NDUFAF5: variants seen among roughly 807,000 people sequenced by gnomAD.
NDUFAF5 encodes the protein arginine-hydroxylase NDUFAF5, mitochondrial.
In NDUFAF5, 34 loss-of-function variants were observed where a neutral mutation model predicts 48.9. That is an observed-to-expected ratio of 0.70 (90% CI 0.53 to 0.93). The LOEUF (loss-of-function observed/expected upper bound fraction) is 0.93, where lower values mean the gene tolerates loss of function less well. NDUFAF5 is among the 40% of genes least tolerant of loss of function. NDUFAF5 has a pLI of 0.00. For synonymous variants in NDUFAF5, 153 were observed against 150.6 expected, an observed-to-expected ratio of 1.02 and a Z score of -0.12; for missense variants, 428 against 427.5, an observed-to-expected ratio of 1.00 and a Z score of -0.01.
chr20:13,787,355 A>C lies in NDUFAF5; in HGVS notation c.263+3A>C. The C allele has an allele frequency of 6.2e-7, 1 of 1,613,846 alleles. No homozygotes were observed. The highest frequency in any genetic ancestry group is 8.5e-7 in the Non-Finnish European group (1 of 1,179,726). ...GACCGTGTATATGACATACCCAGGTAAGTGGTGGTGATCATAATACAATAC... is the reference window on the plus strand; with the variant it reads ...GACCGTGTATATGACATACCCAGGTCAGTGGTGGTGATCATAATACAATAC... On this transcript the variant is annotated splice_donor_region_variant and intron_variant, in intron 2 of 10. Coordinates refer to ENST00000378106, the MANE Select transcript of NDUFAF5 (RefSeq NM_024120.5).
intron 3 of NDUFAF5, among the ~76,000 whole-genome samples, chr20:13,789,657 T>C (rs561492324): frequency 6.6e-6 from 1 of 152,078 alleles, no homozygotes; most frequent in South Asian, 2.1e-4. Context: ...TTGTATTTTT[T>C]AGTAGAGACG....
chr20:13,816,999 G>A, intron 10 of NDUFAF5, 42 bp downstream of exon 10: 1 of 1,555,152 alleles, frequency 6.4e-7, no homozygotes, highest in Non-Finnish European at 8.9e-7. Context: ...GTGGGTTCGT[G>A]TTCAGATTAT....
chr20:13,809,495 T>C (rs1432230621), intron 8 of NDUFAF5, among the ~76,000 whole-genome samples: 1 of 152,140 alleles, frequency 6.6e-6, no homozygotes, highest in African/African-American at 2.4e-5. Context: ...AGAATGAACA[T>C]AGCAAGAACT....
chr20:13,785,388 C>A, intron 1 of NDUFAF5, 98 bp downstream of exon 1: 1 of 1,045,476 alleles, frequency 9.6e-7, no homozygotes, highest in Non-Finnish European at 1.4e-6. Flanking sequence ...CCCCACCTAG[C>A]CGTCTGACCT....
intron 8 of NDUFAF5, 169 bp downstream of exon 8, chr20:13,809,071 C>T: frequency 1.6e-6 from 1 of 623,624 alleles, no homozygotes; most frequent in South Asian, 1.9e-5. Flanking sequence ...CTTCATGGAG[C>T]TTCTGATATA....
rs1027213314 is a variant in NDUFAF5 at position 13,820,221 on chromosome 20, T to A, written c.*3011T>A. On this transcript the variant is annotated 3_prime_UTR_variant, in exon 11 of 11. Coordinates refer to ENST00000378106, the MANE Select transcript of NDUFAF5 (RefSeq NM_024120.5). ...TGCTTTATAGGAAGAATTTGTAGGA[T>A]TTATTGAGATGTAAGCTACCTATAT... 6 of 152,326 alleles carry A rather than the reference T, an allele frequency of 3.9e-5. No individual in the cohort carries two copies. The South Asian group carries it at 1.0e-3, about 26-fold the overall frequency. 9.4% of individuals were successfully genotyped at this position (152,326 alleles called of 1,614,324 possible).
chr20:13,799,456 T>G (rs1983770050), intron 6 of NDUFAF5, among the ~76,000 whole-genome samples: 1 of 152,138 alleles, frequency 6.6e-6, no homozygotes, highest in South Asian at 2.1e-4. Flanking sequence ...CCCAGTACTT[T>G]GGGAGGCTGA....
intron 8 of NDUFAF5, among the ~76,000 whole-genome samples, chr20:13,815,184 G>C (rs572195213): frequency 2.6e-5 from 4 of 152,318 alleles, no homozygotes; most frequent in African/African-American, 9.6e-5. Flanking sequence ...GCGAGAAGTT[G>C]AGCAGAAATG....
intron 6 of NDUFAF5, 79 bp from the exon 7 acceptor site, chr20:13,801,402 GTTAAT>G: frequency 1.2e-6 from 1 of 826,916 alleles, no homozygotes; most frequent in Non-Finnish European, 1.8e-6. Context: ...GTCATAAAAT[GTTAAT>G]TTAGACACTA....
intron 1 of NDUFAF5, among the ~76,000 whole-genome samples, chr20:13,786,819 A>G (rs1981238329): frequency 6.6e-6 from 1 of 152,182 alleles, no homozygotes; most frequent in South Asian, 2.1e-4. Flanking sequence ...GGCTTTTTCT[A>G]ACTTGCGAAT....
intron 8 of NDUFAF5, chr20:13,813,026 T>G (rs1440595149): frequency 6.6e-6 from 1 of 152,440 alleles, no homozygotes; most frequent in East Asian, 1.9e-4. Flanking sequence ...CTTGGCTCAC[T>G]GCAACCTCTG....
At chr20:13,801,768 T>C in intron 7 of NDUFAF5, 85 bp downstream of exon 7, 1 of 1,082,278 alleles carries the variant, frequency 9.2e-7, no homozygotes, top group Middle Eastern at 2.2e-4. Context: ...ACTGTATGTG[T>C]TCATGGTTTC....
At chr20:13,814,921 G>T (rs547949892) in intron 8 of NDUFAF5, among the ~76,000 whole-genome samples, 1 of 152,280 alleles carries the variant, frequency 6.6e-6, no homozygotes, top group South Asian at 2.1e-4. Flanking sequence ...CAGTGTGAGT[G>T]GCTTGTGAGG....
chr20:13,815,700 GA>G (rs1986377605), intron 8 of NDUFAF5, among the ~76,000 whole-genome samples: 1 of 152,106 alleles, frequency 6.6e-6, no homozygotes, highest in South Asian at 2.1e-4. Flanking sequence ...TTAATATAGA[GA>G]ATACATATGA....
chr20:13,809,604 T>C (rs1985570647), intron 8 of NDUFAF5, among the ~76,000 whole-genome samples: 1 of 152,228 alleles, frequency 6.6e-6, no homozygotes, highest in Non-Finnish European at 1.5e-5. Context: ...AATGCAGAAG[T>C]ACTTTATAGG....
chr20:13,809,716 A>T (rs887591435), intron 8 of NDUFAF5, among the ~76,000 whole-genome samples: 1 of 152,240 alleles, frequency 6.6e-6, no homozygotes, highest in Non-Finnish European at 1.5e-5. Flanking sequence ...ATTGGCAGAT[A>T]AACTAGTCAC....
Position 13,818,457 on chromosome 20 carries a change from T to TA in NDUFAF5, c.*1248dup, listed in dbSNP as rs934240600. ...TGTTTTTTGGGGTTTTTTTTTTTTT[T>TA]AGCTTAATTTTCAGAACTTGAAGAG... On this transcript the variant is annotated 3_prime_UTR_variant, in exon 11 of 11. Coordinates refer to ENST00000378106, the MANE Select transcript of NDUFAF5 (RefSeq NM_024120.5). The TA allele has an allele frequency of 7.3e-5, 25 of 341,828 alleles. No individual in the cohort carries two copies. The highest frequency in any genetic ancestry group is 5.0e-4 in the African/African-American group (23 of 45,766). The allele number at this position is 341,828 out of a possible 1,614,324, so 21.2% of individuals were successfully genotyped here. A position where few individuals can be genotyped will look rare whatever the true frequency, so the allele number is the denominator to read the frequency against.
chr20:13,806,770 G>A (rs1396230018), intron 7 of NDUFAF5, among the ~76,000 whole-genome samples: 1 of 152,132 alleles, frequency 6.6e-6, no homozygotes, highest in East Asian at 1.9e-4. Flanking sequence ...GAATGTTCAT[G>A]GTCTCACTAC....
At chr20:13,795,251 A>T (rs2072240899) in intron 5 of NDUFAF5, among the ~76,000 whole-genome samples, 1 of 152,164 alleles carries the variant, frequency 6.6e-6, no homozygotes, top group Non-Finnish European at 1.5e-5. Context: ...TGTTGGGAGC[A>T]GGAGTTTGAA....
Sources: gnomAD v4.1 joint callset for allele counts (sites outside exome capture counted in the v4.1 genomes callset) on GRCh38, gnomAD v4.1.1 for gene constraint, MANE v1.5 for transcripts, NCBI Gene and HGNC (gene_info 2026-07-23, HGNC 2026-07-21) for gene names.